The following NEK11 variants were observed in gnomAD, a reference collection of about 807,000 sequenced individuals.
NEK11 encodes NIMA related kinase 11.
NEK11 carries 72 observed loss-of-function variants against 80.7 expected under a neutral mutation model. The observed-to-expected ratio is 0.89, with a 90% CI of 0.74 to 1.08. The LOEUF (loss-of-function observed/expected upper bound fraction) is 1.08. Among genes scored for constraint, NEK11 ranks in the 50% least tolerant of loss-of-function variants. NEK11 has a pLI of 0.00. For synonymous variants in NEK11, 251 were observed against 260.7 expected, an observed-to-expected ratio of 0.96 and a Z score of 0.36; for missense variants, 764 against 763.6, an observed-to-expected ratio of 1.00 and a Z score of -0.01.
intron 14 of NEK11, among the ~76,000 whole-genome samples, chr3:131,219,170 A>G (rs1292347986): frequency 6.6e-6 from 1 of 152,200 alleles, no homozygotes; most frequent in African/African-American, 2.4e-5. Context: ...TAGACTGGAT[A>G]AAGAAAATGT....
At chr3:131,270,235 T>A (rs2096153793) in intron 16 of NEK11, among the ~76,000 whole-genome samples, 1 of 152,226 alleles carries the variant, frequency 6.6e-6, no homozygotes, top group Admixed American at 6.5e-5. Context: ...CTCTTGTTTC[T>A]TGAACAAGGA....
At chr3:131,185,117 C>T (rs2093545027) in intron 14 of NEK11, among the ~76,000 whole-genome samples, 1 of 152,152 alleles carries the variant, frequency 6.6e-6, no homozygotes, top group African/African-American at 2.4e-5. Flanking sequence ...ACAGCACTTT[C>T]CATATGACAG....
At chr3:131,286,667 G>A (rs139884513) in intron 17 of NEK11, among the ~76,000 whole-genome samples, 4 of 152,246 alleles carry the variant, frequency 2.6e-5, no homozygotes, top group Non-Finnish European at 5.9e-5. Context: ...TTGCCTAATA[G>A]TTTTCAAATT....
chr3:131,349,217 TTATGTGTA>T (rs1457284635), intron 17 of NEK11, among the ~76,000 whole-genome samples: 1 of 152,162 alleles, frequency 6.6e-6, no homozygotes, highest in Non-Finnish European at 1.5e-5. Context: ...ATCTGATATC[TTATGTGTA>T]TATGTGTATA....
At chr3:131,142,451 GA>G (rs2087146841) in intron 7 of NEK11, among the ~76,000 whole-genome samples, 2 of 150,334 alleles carry the variant, frequency 1.3e-5, no homozygotes, top group African/African-American at 4.8e-5. Context: ...AGCCTCTGGA[GA>G]TCATATAAAA....
chr3:131,305,253 A>AG (rs1240229335), intron 17 of NEK11, among the ~76,000 whole-genome samples: 2 of 152,128 alleles, frequency 1.3e-5, no homozygotes, highest in Non-Finnish European at 2.9e-5. Context: ...AAAACGGCAA[A>AG]GGGAAGCTTC....
At chr3:131,079,215 A>G (rs2074859419) in intron 3 of NEK11, among the ~76,000 whole-genome samples, 1 of 152,204 alleles carries the variant, frequency 6.6e-6, no homozygotes, top group Non-Finnish European at 1.5e-5. Flanking sequence ...TGACTTGGTA[A>G]GCATACATCT....
At chr3:131,139,175 CAA>C (rs2149668667) in intron 7 of NEK11, among the ~76,000 whole-genome samples, 1 of 151,618 alleles carries the variant, frequency 6.6e-6, no homozygotes, top group African/African-American at 2.4e-5. Flanking sequence ...ATAAATTTAA[CAA>C]AGAGAGTGAA....
intron 5 of NEK11, among the ~76,000 whole-genome samples, chr3:131,117,543 T>A (rs990204408): frequency 2.0e-5 from 3 of 152,240 alleles, no homozygotes; most frequent in African/African-American, 7.2e-5. Flanking sequence ...GGGATGGCAT[T>A]GAATCTATAA....
At chr3:131,056,243 T>C (rs1328232084) in intron 3 of NEK11, among the ~76,000 whole-genome samples, 9 of 152,198 alleles carry the variant, frequency 5.9e-5, no homozygotes, top group Non-Finnish European at 1.2e-4. Context: ...GAATGGGCGC[T>C]ATGGAATTGG....
At position 131,349,558 on chromosome 3, in the gene NEK11, T is replaced by C. The variant is rs777820933; in HGVS notation, c.1720T>C (p.Ser574Pro). Residue 574 changes from serine (S) to proline (P), a missense_variant and splice_region_variant, in exon 18 of 18, where the codon TCA (serine) becomes CCA (proline). Coordinates refer to ENST00000383366, the MANE Select transcript of NEK11 (RefSeq NM_024800.5). ...AATCTTTTGTAACTTTTTTGACAGA[T>C]CAGCCATGCAGAAGCTGGGGACAGA... is the stretch of plus-strand genomic sequence containing the variant. ...ARTKMKRMRESAMQKLGTEVF... is the reference protein window; with the variant it reads ...ARTKMKRMREPAMQKLGTEVF... 6 of 1,612,908 alleles carry C rather than the reference T, an allele frequency of 3.7e-6. No homozygotes were observed. Among genetic ancestry groups the C allele is most frequent in the Non-Finnish European group, 4.2e-6 (5 of 1,179,228 alleles).
At chr3:131,216,608 G>A (rs2094843359) in intron 14 of NEK11, among the ~76,000 whole-genome samples, 1 of 151,002 alleles carries the variant, frequency 6.6e-6, no homozygotes, top group Non-Finnish European at 1.5e-5. Flanking sequence ...TTGAACATTG[G>A]TTCAAAACAT....
intron 3 of NEK11, among the ~76,000 whole-genome samples, chr3:131,057,235 G>A (rs1235810457): frequency 6.6e-6 from 1 of 151,722 alleles, no homozygotes. Flanking sequence ...TTTTATGGCT[G>A]CATAGTATTC....
At chr3:131,177,928 T>G (rs2093129555) in intron 14 of NEK11, among the ~76,000 whole-genome samples, 1 of 152,210 alleles carries the variant, frequency 6.6e-6, no homozygotes. Flanking sequence ...TCAGAGAGTA[T>G]ACTTGCACAT....
intron 14 of NEK11, among the ~76,000 whole-genome samples, chr3:131,171,090 A>G (rs2092662484): frequency 6.6e-6 from 1 of 152,162 alleles, no homozygotes. Flanking sequence ...TCTTTGCAAT[A>G]GTGAGGATGA....
intron 17 of NEK11, among the ~76,000 whole-genome samples, chr3:131,277,884 G>T (rs1409020150): frequency 6.6e-6 from 1 of 152,212 alleles, no homozygotes; most frequent in Non-Finnish European, 1.5e-5. Flanking sequence ...TTGAGATAAT[G>T]TATGAAATGC....
intron 4 of NEK11, among the ~76,000 whole-genome samples, chr3:131,080,974 G>T (rs1314025152): frequency 1.3e-5 from 2 of 151,952 alleles, no homozygotes; most frequent in African/African-American, 2.4e-5. Flanking sequence ...GCCGGGCGTG[G>T]TTGTATGAGC....
At chr3:131,285,846 T>C (rs1057154484) in intron 17 of NEK11, among the ~76,000 whole-genome samples, 2 of 152,216 alleles carry the variant, frequency 1.3e-5, no homozygotes, top group African/African-American at 4.8e-5. Flanking sequence ...ATTTCAGTAA[T>C]GATGGGAAGC....
intron 7 of NEK11, among the ~76,000 whole-genome samples, chr3:131,136,455 A>G (rs915407485): frequency 1.3e-5 from 2 of 152,074 alleles, no homozygotes; most frequent in African/African-American, 4.8e-5. Context: ...ATTTTTTTTT[A>G]GGATTAGAAA....
Sources: gnomAD v4.1 joint callset for allele counts (sites outside exome capture counted in the v4.1 genomes callset) on GRCh38, gnomAD v4.1.1 for gene constraint, MANE v1.5 for transcripts, NCBI Gene and HGNC (gene_info 2026-07-23, HGNC 2026-07-21) for gene names.